KCNQ5: variants seen among roughly 807,000 people sequenced by gnomAD.
KCNQ5 encodes the protein potassium voltage-gated channel subfamily Q member 5.
In KCNQ5, 30 loss-of-function variants were observed where a neutral mutation model predicts 98.2. The observed-to-expected ratio is 0.31, with a 90% confidence interval of 0.23 to 0.41. The LOEUF is 0.41. KCNQ5 is among the 10% of genes least tolerant of loss of function. KCNQ5 has a pLI of 1.00. For missense variants in KCNQ5, 835 were observed against 1,182.5 expected (o/e 0.71, Z 4.31); for synonymous variants, 458 against 449.4 (o/e 1.02, Z -0.24).
intron 6 of KCNQ5, among the ~76,000 whole-genome samples, chr6:73,108,290 T>C (rs1775084799): frequency 6.6e-6 from 1 of 152,184 alleles, no homozygotes; most frequent in South Asian, 2.1e-4. Context: ...TTTCTCCTTT[T>C]TAGAGTGCTC....
At chr6:72,806,256 G>A (rs981378637) in intron 1 of KCNQ5, among the ~76,000 whole-genome samples, 14 of 152,040 alleles carry the variant, frequency 9.2e-5, no homozygotes, top group African/African-American at 3.1e-4. Flanking sequence ...AGACAATAGA[G>A]GCATCATTCC....
At chr6:72,870,075 G>A (rs1778142200) in intron 1 of KCNQ5, among the ~76,000 whole-genome samples, 1 of 152,136 alleles carries the variant, frequency 6.6e-6, no homozygotes, top group Non-Finnish European at 1.5e-5. Context: ...TTTCTGAAGT[G>A]CTGGTGTTTT....
intron 3 of KCNQ5, among the ~76,000 whole-genome samples, chr6:73,052,405 A>G (rs1009875685): frequency 2.0e-5 from 3 of 152,190 alleles, no homozygotes; most frequent in Non-Finnish European, 2.9e-5. Context: ...GTGAGATACT[A>G]TACAGATAAC....
chr6:73,099,416 T>G (rs1233120726), intron 5 of KCNQ5, among the ~76,000 whole-genome samples: 1 of 152,150 alleles, frequency 6.6e-6, no homozygotes, highest in Non-Finnish European at 1.5e-5. Context: ...GACCCAATGA[T>G]CTGTTGACTA....
At chr6:73,123,977 A>G (rs762151302) in intron 8 of KCNQ5, among the ~76,000 whole-genome samples, 1 of 152,214 alleles carries the variant, frequency 6.6e-6, no homozygotes, top group Non-Finnish European at 1.5e-5. Flanking sequence ...ATAGGCTAAA[A>G]GAGTTTTGGT....
At chr6:73,065,875 A>G (rs117672672) in intron 3 of KCNQ5, among the ~76,000 whole-genome samples, 2,403 of 152,338 alleles carry the variant, frequency 0.016, 25 homozygotes, top group Non-Finnish European at 0.018. Context: ...GGCCGGGCTC[A>G]GTGGCTCACG....
chr6:73,173,880 T>C (rs1352182063), intron 11 of KCNQ5, among the ~76,000 whole-genome samples: 1 of 152,182 alleles, frequency 6.6e-6, no homozygotes, highest in Non-Finnish European at 1.5e-5. Context: ...ATAATAACTT[T>C]TTTAAATATA....
intron 1 of KCNQ5, among the ~76,000 whole-genome samples, chr6:72,704,448 A>C (rs1189589799): frequency 6.6e-6 from 1 of 152,148 alleles, no homozygotes; most frequent in South Asian, 2.1e-4. Flanking sequence ...AGAACCCTGC[A>C]GGACTGCATG....
At chr6:73,145,606 T>A (rs1019360490) in intron 10 of KCNQ5, among the ~76,000 whole-genome samples, 11 of 152,222 alleles carry the variant, frequency 7.2e-5, no homozygotes, top group Non-Finnish European at 1.2e-4. Context: ...CCATTTTTTT[T>A]AAACAATGCT....
chr6:72,852,089 C>G (rs1370970223), intron 1 of KCNQ5, among the ~76,000 whole-genome samples: 1 of 151,926 alleles, frequency 6.6e-6, no homozygotes, highest in African/African-American at 2.4e-5. Flanking sequence ...CTGTGGCCTT[C>G]CTAACAGTGT....
At chr6:73,119,554 G>C (rs766638887) in intron 7 of KCNQ5, among the ~76,000 whole-genome samples, 3 of 152,194 alleles carry the variant, frequency 2.0e-5, no homozygotes, top group Non-Finnish European at 4.4e-5. Flanking sequence ...TATACACCTA[G>C]AGAGTACATT....
chr6:72,747,410 A>C (rs764382489), intron 1 of KCNQ5, among the ~76,000 whole-genome samples: 4 of 152,150 alleles, frequency 2.6e-5, no homozygotes, highest in Non-Finnish European at 5.9e-5. Flanking sequence ...TCTGTTGAAA[A>C]TAGTTCCTCG....
intron 1 of KCNQ5, among the ~76,000 whole-genome samples, chr6:72,645,901 A>T (rs762433976): frequency 6.6e-6 from 1 of 152,112 alleles, no homozygotes; most frequent in Non-Finnish European, 1.5e-5. Context: ...AGAGAATGTA[A>T]CTACTTACCT....
chr6:73,084,349 G>A (rs897583030), intron 5 of KCNQ5, among the ~76,000 whole-genome samples: 3 of 152,134 alleles, frequency 2.0e-5, no homozygotes, highest in African/African-American at 7.2e-5. Context: ...TAAAGGGAGT[G>A]TGTTATTTAT....
At chr6:72,850,462 C>T (rs903056133) in intron 1 of KCNQ5, among the ~76,000 whole-genome samples, 6 of 152,196 alleles carry the variant, frequency 3.9e-5, no homozygotes, top group Non-Finnish European at 8.8e-5. Flanking sequence ...CTACTACACA[C>T]ACAGCAGCAG....
intron 1 of KCNQ5, among the ~76,000 whole-genome samples, chr6:72,894,485 A>G (rs1259428313): frequency 7.9e-5 from 12 of 152,204 alleles, no homozygotes; most frequent in Non-Finnish European, 1.5e-4. Flanking sequence ...CCAAGAGGTT[A>G]TGTCTCAAGT....
At chr6:72,838,979 G>A (rs1309982929) in intron 1 of KCNQ5, among the ~76,000 whole-genome samples, 1 of 139,286 alleles carries the variant, frequency 7.2e-6, no homozygotes, top group Non-Finnish European at 1.6e-5. Context: ...AAAAGAATAT[G>A]GAGCTGAGTG....
At chr6:73,118,302 G>A (rs1278841088) in intron 7 of KCNQ5, among the ~76,000 whole-genome samples, 2 of 152,082 alleles carry the variant, frequency 1.3e-5, no homozygotes, top group Non-Finnish European at 2.9e-5. Context: ...CTCACTCAAC[G>A]TTATTCACAT....
Position 73,196,745 on chromosome 6 carries a change from A to G in KCNQ5, c.*1331A>G, listed in dbSNP as rs1421228095. ...CAATTTCCTGATATAAACATTTACA[A>G]TTAGAAGCTAGATAGTACTGGCAGA... is the stretch of plus-strand genomic sequence containing the variant. On this transcript the variant is annotated 3_prime_UTR_variant, in exon 14 of 14. Transcript: ENST00000370398. 4 of 152,192 alleles carry G rather than the reference A, an allele frequency of 2.6e-5. No homozygotes were observed. Among genetic ancestry groups the G allele is most frequent in the South Asian group, 4.1e-4 (2 of 4,836 alleles). 9.4% of individuals were successfully genotyped at this position (152,192 alleles called of 1,614,324 possible).
Sources: gnomAD v4.1 joint callset for allele counts (sites outside exome capture counted in the v4.1 genomes callset) on GRCh38, gnomAD v4.1.1 for gene constraint, MANE v1.5 for transcripts, NCBI Gene and HGNC (gene_info 2026-07-23, HGNC 2026-07-21) for gene names.